ANKS1B: variants seen among roughly 807,000 people sequenced by gnomAD.
ANKS1B encodes the protein ankyrin repeat and sterile alpha motif domain-containing protein 1B.
ANKS1B carries 36 observed loss-of-function variants against 148.3 expected under a neutral mutation model. That is an observed-to-expected ratio of 0.24 (90% CI 0.19 to 0.32). The LOEUF is 0.32. ANKS1B is among the 10% of genes least tolerant of loss of function. ANKS1B has a pLI of 1.00. For synonymous variants in ANKS1B, 542 were observed against 560.8 expected, an observed-to-expected ratio of 0.97 and a Z score of 0.47; for missense variants, 1,157 against 1,542.6, an observed-to-expected ratio of 0.75 and a Z score of 4.19.
intron 16 of ANKS1B, among the ~76,000 whole-genome samples, chr12:99,073,995 G>C (rs1176941401): frequency 6.6e-6 from 1 of 152,206 alleles, no homozygotes; most frequent in Non-Finnish European, 1.5e-5. Context: ...TCCAGTGAGA[G>C]GAAGAGCTGG....
rs948975051 is a variant in ANKS1B, at chr12:99,468,402, G to C, written c.1439-24593C>G. Among the ~76,000 whole-genome samples the C allele has an allele frequency of 1.1e-3, 161 of 152,112 alleles. 1 individual carries two copies. Among genetic ancestry groups the C allele is most frequent in the African/African-American group, 3.5e-3 (145 of 41,520 alleles). On this transcript the variant is annotated intron_variant, in intron 10 of 26. Coordinates refer to ENST00000683438, the MANE Select transcript of ANKS1B (RefSeq NM_001352186.2). ...GGGCAAGGACTTCATGTCTAAAACA[G>C]CAAAAGCAATGGCAACGAAAGCCAA... is the stretch of plus-strand genomic sequence containing the variant.
At chr12:98,916,935 C>T (rs1335098751) in intron 17 of ANKS1B, among the ~76,000 whole-genome samples, 1 of 151,972 alleles carries the variant, frequency 6.6e-6, no homozygotes, top group African/African-American at 2.4e-5. Context: ...ATTTACTTAA[C>T]CCTTATAGCA....
At chr12:99,580,525 T>C (rs2097560251) in intron 9 of ANKS1B, among the ~76,000 whole-genome samples, 2 of 152,184 alleles carry the variant, frequency 1.3e-5, no homozygotes, top group Non-Finnish European at 2.9e-5. Context: ...TGCATGTATT[T>C]ACTCATATGT....
intron 1 of ANKS1B, among the ~76,000 whole-genome samples, chr12:99,890,549 C>A (rs1404620237): frequency 6.7e-6 from 1 of 149,512 alleles, no homozygotes; most frequent in Non-Finnish European, 1.5e-5. Flanking sequence ...TAAAATAAGT[C>A]TCTTTCTCAC....
intron 1 of ANKS1B, among the ~76,000 whole-genome samples, chr12:99,974,504 A>G (rs545061901): frequency 1.4e-4 from 22 of 152,244 alleles, no homozygotes; most frequent in Admixed American, 1.3e-3. Context: ...AAAAGAAAAT[A>G]CTTTTCTATC....
intron 4 of ANKS1B, among the ~76,000 whole-genome samples, chr12:99,795,315 C>A (rs139016802): frequency 1.3e-5 from 2 of 151,624 alleles, no homozygotes; most frequent in Admixed American, 6.6e-5. Context: ...AGATCAATAG[C>A]GGACTTCACA....
At chr12:99,549,851 T>C (rs1347403855) in intron 9 of ANKS1B, among the ~76,000 whole-genome samples, 1 of 152,162 alleles carries the variant, frequency 6.6e-6, no homozygotes, top group Non-Finnish European at 1.5e-5. Flanking sequence ...GTGAAAAACA[T>C]CCTGCTGGAT....
intron 9 of ANKS1B, among the ~76,000 whole-genome samples, chr12:99,561,891 C>T (rs538995408): frequency 6.6e-6 from 1 of 152,280 alleles, no homozygotes; most frequent in South Asian, 2.1e-4. Context: ...TAAATCCTTT[C>T]TAGAAGGTTT....
chr12:99,456,236 AG>A, intron 10 of ANKS1B, among the ~76,000 whole-genome samples: 1 of 152,282 alleles, frequency 6.6e-6, no homozygotes, highest in East Asian at 1.9e-4. Flanking sequence ...CACCATATCA[AG>A]AGAGCACCCC....
At chr12:99,851,086 CCAT>C (rs370706132) in intron 1 of ANKS1B, among the ~76,000 whole-genome samples, 22 of 152,052 alleles carry the variant, frequency 1.4e-4, no homozygotes, top group African/African-American at 3.9e-4. Flanking sequence ...CTCTCCACCA[CCAT>C]ATTTCCAAGC....
intron 10 of ANKS1B, among the ~76,000 whole-genome samples, chr12:99,476,844 T>A (rs2152923361): frequency 6.6e-6 from 1 of 152,248 alleles, no homozygotes; most frequent in Non-Finnish European, 1.5e-5. Flanking sequence ...GCAATTAACG[T>A]GTCAATTGGG....
chr12:99,266,698 A>G (rs1276796316), intron 12 of ANKS1B, among the ~76,000 whole-genome samples: 1 of 152,164 alleles, frequency 6.6e-6, no homozygotes, highest in Non-Finnish European at 1.5e-5. Flanking sequence ...CCAAGTCTAC[A>G]GTCACGGGTT....
chr12:99,143,680 C>T (rs2071848866), intron 15 of ANKS1B, among the ~76,000 whole-genome samples: 1 of 152,088 alleles, frequency 6.6e-6, no homozygotes, highest in Admixed American at 6.6e-5. Context: ...GGTCTGAGAA[C>T]AAACTTGACC....
intron 8 of ANKS1B, among the ~76,000 whole-genome samples, chr12:99,716,768 C>A (rs1293293698): frequency 6.6e-6 from 1 of 152,092 alleles, no homozygotes; most frequent in Non-Finnish European, 1.5e-5. Flanking sequence ...CCCGCCTGTC[C>A]CCTCAGTCCC....
chr12:99,114,412 T>A (rs910700954), intron 15 of ANKS1B, among the ~76,000 whole-genome samples: 11 of 152,166 alleles, frequency 7.2e-5, no homozygotes, highest in African/African-American at 2.7e-4. Flanking sequence ...AAGAAAATAT[T>A]TGCAAACTAT....
chr12:98,799,144 C>T (rs924577297), intron 21 of ANKS1B, 139 bp from the exon 22 acceptor site: 38 of 499,928 alleles, frequency 7.6e-5, no homozygotes, highest in Admixed American at 2.7e-4. Flanking sequence ...CTGACAGTAA[C>T]TAATCCTAAC....
chr12:99,615,650 A>T (rs1037606841), intron 9 of ANKS1B, among the ~76,000 whole-genome samples: 2 of 152,200 alleles, frequency 1.3e-5, no homozygotes, highest in Non-Finnish European at 2.9e-5. Flanking sequence ...TCTCAAAATA[A>T]TAAGAGCTAT....
Position 98,807,968 on chromosome 12 carries a change from A to G in ANKS1B, c.3067-50T>C, listed in dbSNP as rs1426862298. ...ATCTTGTCAATATTTAAAACATGGCAGCTACCAAGGTAGCATCCAGGAAGG... is the reference window on the plus strand; with the variant it reads ...ATCTTGTCAATATTTAAAACATGGCGGCTACCAAGGTAGCATCCAGGAAGG... On this transcript the variant is annotated intron_variant, in intron 19 of 26. Coordinates refer to ENST00000683438, the MANE Select transcript of ANKS1B (RefSeq NM_001352186.2). 6.2e-6 allele frequency: 9 copies of G among 1,441,624 alleles called. No homozygotes were observed. The African/African-American group carries it at 1.3e-4, about 20-fold the overall frequency. The allele number at this position is 1,441,624 out of a possible 1,614,324, so 89.3% of individuals were successfully genotyped here.
chr12:99,647,297 A>G (rs1335670345), intron 9 of ANKS1B, among the ~76,000 whole-genome samples: 1 of 152,172 alleles, frequency 6.6e-6, no homozygotes, highest in African/African-American at 2.4e-5. Flanking sequence ...CTGTCCCGTC[A>G]CAGAAGCTCC....
Sources: gnomAD v4.1 joint callset for allele counts (sites outside exome capture counted in the v4.1 genomes callset) on GRCh38, gnomAD v4.1.1 for gene constraint, MANE v1.5 for transcripts, NCBI Gene and HGNC (gene_info 2026-07-23, HGNC 2026-07-21) for gene names.